KATNBL1: variants seen among roughly 807,000 people sequenced by gnomAD.
The protein encoded by KATNBL1 is KATNB1-like protein 1.
A neutral mutation model predicts 44.7 loss-of-function variants in KATNBL1; 28 were observed. The ratio of observed to expected loss-of-function variants is 0.63; its 90% confidence interval spans 0.46 to 0.86. The LOEUF (loss-of-function observed/expected upper bound fraction) is 0.86. Ranked by LOEUF, KATNBL1 falls within the 40% of genes least tolerant of loss-of-function variation. KATNBL1 has a pLI of 0.00. For missense variants in KATNBL1, 272 were observed against 350.7 expected (o/e 0.78, Z 1.79); for synonymous variants, 78 against 114.9 (o/e 0.68, Z 2.06).
chr15:34,148,558 A>C (rs944019234), intron 5 of KATNBL1, 74 bp downstream of exon 5: 40 of 869,406 alleles, frequency 4.6e-5, no homozygotes, highest in Non-Finnish European at 6.6e-5. Context: ...ACTGTACTCC[A>C]ACTTGGATGA....
chr15:34,205,928 G>A (rs993397742), intron 1 of KATNBL1, among the ~76,000 whole-genome samples: 9 of 152,044 alleles, frequency 5.9e-5, no homozygotes, highest in African/African-American at 2.2e-4. Flanking sequence ...AATGCCTTTA[G>A]GAGAAATAAT....
At chr15:34,154,973 G>C in intron 2 of KATNBL1, 1 of 398,048 alleles carries the variant, frequency 2.5e-6, no homozygotes, top group Non-Finnish European at 4.6e-6. Flanking sequence ...GAGTGGCGGG[G>C]TGAGCAGTTT....
chr15:34,142,418 CA>C, intron 9 of KATNBL1, 47 bp from the exon 10 acceptor site: 1 of 1,533,700 alleles, frequency 6.5e-7, no homozygotes, highest in Non-Finnish European at 8.8e-7. Context: ...ACAGTAAATA[CA>C]AACATAAACA....
At chr15:34,190,180 G>A (rs1320389693) in intron 1 of KATNBL1, among the ~76,000 whole-genome samples, 3 of 152,128 alleles carry the variant, frequency 2.0e-5, no homozygotes, top group Non-Finnish European at 2.9e-5. Context: ...TCCTGACCTC[G>A]TGATCCCCCA....
intron 1 of KATNBL1, among the ~76,000 whole-genome samples, chr15:34,187,774 C>T (rs1889756201): frequency 6.6e-6 from 1 of 152,172 alleles, no homozygotes; most frequent in African/African-American, 2.4e-5. Context: ...TCCTCCATCG[C>T]TGTCCCATTA....
chr15:34,151,435 ACTT>A (rs1567518065), intron 4 of KATNBL1, among the ~76,000 whole-genome samples: 76 of 63,828 alleles, frequency 1.2e-3, no homozygotes, highest in Non-Finnish European at 1.9e-3. Flanking sequence ...TCCTTTGCCT[ACTT>A]TTTTTTTTTT....
chr15:34,147,954 A>C (rs372229306), intron 5 of KATNBL1, among the ~76,000 whole-genome samples: 1 of 151,954 alleles, frequency 6.6e-6, no homozygotes, highest in Non-Finnish European at 1.5e-5. Context: ...GCAACCTCCA[A>C]CTCCTGGGTT....
intron 1 of KATNBL1, among the ~76,000 whole-genome samples, chr15:34,180,598 G>A (rs2140964934): frequency 6.6e-6 from 1 of 152,268 alleles, no homozygotes; most frequent in South Asian, 2.1e-4. Flanking sequence ...TCCTCGGTCA[G>A]CCACTGCTAG....
In KATNBL1 at chr15:34,152,854, G is replaced by A. The variant is rs1451179806; in HGVS notation, c.374C>T (p.Ser125Phe). 1 of 1,613,664 alleles carries A rather than the reference G, an allele frequency of 6.2e-7. No homozygotes were observed. The highest frequency in any genetic ancestry group is 8.5e-7 in the Non-Finnish European group (1 of 1,179,732). Residue 125 changes from serine to phenylalanine, a missense_variant, in exon 4 of 10, where the codon TCC becomes TTC. Coordinates refer to ENST00000256544, the MANE Select transcript of KATNBL1 (RefSeq NM_024713.3). ...TGTCTGTGAAGAACCAGAATCACTGGAGTTAACCAAATATGTTCGACTATC... is the reference window on the plus strand; with the variant it reads ...TGTCTGTGAAGAACCAGAATCACTGAAGTTAACCAAATATGTTCGACTATC... The part of the protein sequence containing the change: ...HHDSRTYLVN[S>F]SDSGSSQTES...
intron 1 of KATNBL1, among the ~76,000 whole-genome samples, chr15:34,197,558 T>C (rs1014958071): frequency 6.6e-6 from 1 of 152,226 alleles, no homozygotes; most frequent in African/African-American, 2.4e-5. Context: ...CTAAATTTGT[T>C]GTATGTTTCT....
At chr15:34,179,957 A>G (rs191411201) in intron 1 of KATNBL1, among the ~76,000 whole-genome samples, 1 of 152,392 alleles carries the variant, frequency 6.6e-6, no homozygotes, top group African/African-American at 2.4e-5. Context: ...ATGCCAATAC[A>G]TGGAGGTAAT....
intron 1 of KATNBL1, among the ~76,000 whole-genome samples, chr15:34,167,226 G>C (rs989823099): frequency 5.3e-5 from 8 of 152,174 alleles, no homozygotes; most frequent in African/African-American, 1.9e-4. Flanking sequence ...TGGTTAACTA[G>C]AATAACCAGT....
At chr15:34,195,870 C>CA (rs1265146122) in intron 1 of KATNBL1, among the ~76,000 whole-genome samples, 1 of 151,922 alleles carries the variant, frequency 6.6e-6, no homozygotes, top group Non-Finnish European at 1.5e-5. Context: ...ATGATAAATG[C>CA]AAATAAATTT....
At position 34,141,839 on chromosome 15, in the gene KATNBL1, GA is replaced by G. The variant is rs1469672801; in HGVS notation, c.*499del. 6.7e-6 allele frequency: 1 copy of G among 148,338 alleles called. No individual in the cohort carries two copies. Among genetic ancestry groups the G allele is most frequent in the Non-Finnish European group, 1.5e-5 (1 of 65,970 alleles). The allele number at this position is 148,338 out of a possible 1,614,324, so 9.2% of individuals were successfully genotyped here. On this transcript the variant is annotated 3_prime_UTR_variant, in exon 10 of 10. Coordinates refer to ENST00000256544, the MANE Select transcript of KATNBL1 (RefSeq NM_024713.3). ...GTGTGAACAAAAAATGTTTAATATTGATTTTTTTCATGTTTTAAACTTTCAG... is the reference window on the plus strand; with the variant it reads ...GTGTGAACAAAAAATGTTTAATATTGTTTTTTTCATGTTTTAAACTTTCAG...
chr15:34,142,974 T>C lies in KATNBL1; in HGVS notation c.883-603A>G, dbSNP rs1254200769. ...ATCTGCCCACCTTGGCCTCCCAAAG[T>C]ACTGGGATTACAGGCATGAGCCACC... On this transcript the variant is annotated intron_variant, in intron 9 of 9. Transcript: ENST00000256544. 3.5e-6 allele frequency: 3 copies of C among 847,278 alleles called. No homozygotes were observed. The African/African-American group carries it at 5.4e-5, about 15-fold the overall frequency. The allele number at this position is 847,278 out of a possible 1,614,324, so 52.5% of individuals were successfully genotyped here.
intron 1 of KATNBL1, among the ~76,000 whole-genome samples, chr15:34,207,371 G>A (rs933031947): frequency 2.0e-5 from 3 of 152,020 alleles, no homozygotes; most frequent in East Asian, 1.9e-4. Context: ...ACCACGCCCA[G>A]CTAATTTTTT....
At chr15:34,165,572 G>A (rs751718773) in intron 1 of KATNBL1, among the ~76,000 whole-genome samples, 16 of 152,096 alleles carry the variant, frequency 1.1e-4, no homozygotes, top group African/African-American at 1.4e-4. Context: ...TGAGGCAGGC[G>A]GATCACCTGA....
At chr15:34,201,333 G>A (rs1411389301) in intron 1 of KATNBL1, among the ~76,000 whole-genome samples, 4 of 152,220 alleles carry the variant, frequency 2.6e-5, no homozygotes, top group Non-Finnish European at 4.4e-5. Flanking sequence ...GTTAAAAAGT[G>A]TGTGTCTGTG....
chr15:34,150,702 C>T (rs1888443083), intron 4 of KATNBL1, among the ~76,000 whole-genome samples: 1 of 152,174 alleles, frequency 6.6e-6, no homozygotes. Flanking sequence ...ATTATTTCAT[C>T]ACACAGGTAA....
Sources: gnomAD v4.1 joint callset for allele counts (sites outside exome capture counted in the v4.1 genomes callset) on GRCh38, gnomAD v4.1.1 for gene constraint, MANE v1.5 for transcripts, NCBI Gene and HGNC (gene_info 2026-07-23, HGNC 2026-07-21) for gene names.